NELL2: variants seen among roughly 807,000 people sequenced by gnomAD.
NELL2 encodes the protein protein kinase C-binding protein NELL2.
Under a neutral mutation model 109.6 loss-of-function variants are expected in NELL2, and 41 were observed. That is an observed-to-expected ratio of 0.37 (90% CI 0.29 to 0.49). The LOEUF is 0.49. Among genes scored for constraint, NELL2 ranks in the 20% least tolerant of loss-of-function variants. NELL2 has a pLI of 0.98. For missense variants in NELL2, 900 were observed against 1,008.3 expected (o/e 0.89, Z 1.45); for synonymous variants, 355 against 344.7 (o/e 1.03, Z -0.33).
intron 15 of NELL2, among the ~76,000 whole-genome samples, chr12:44,580,500 T>C (rs190238023): frequency 6.6e-6 from 1 of 152,242 alleles, no homozygotes; most frequent in Non-Finnish European, 1.5e-5. Flanking sequence ...GCAGATTGCC[T>C]GAGCTCGGGA....
chr12:44,542,044 C>G (rs1253195879), intron 15 of NELL2, among the ~76,000 whole-genome samples: 1 of 152,122 alleles, frequency 6.6e-6, no homozygotes, highest in Non-Finnish European at 1.5e-5. Context: ...TGTCAAATTT[C>G]ACAACAACAA....
chr12:44,689,096 A>G (rs1002361488), intron 12 of NELL2, among the ~76,000 whole-genome samples: 5 of 152,128 alleles, frequency 3.3e-5, no homozygotes, highest in Admixed American at 6.5e-5. Flanking sequence ...AGTCTCCCCA[A>G]TTACTTCTGA....
At chr12:44,644,043 C>T (rs1946959903) in intron 13 of NELL2, among the ~76,000 whole-genome samples, 1 of 152,066 alleles carries the variant, frequency 6.6e-6, no homozygotes. Flanking sequence ...AACATTTGGG[C>T]TGTAAGTGTC....
At chr12:44,718,455 T>A (rs1423346585) in intron 9 of NELL2, among the ~76,000 whole-genome samples, 1 of 152,214 alleles carries the variant, frequency 6.6e-6, no homozygotes, top group Non-Finnish European at 1.5e-5. Context: ...ACCATGTTAA[T>A]TGCATGCACA....
At chr12:44,761,397 A>T (rs1268668090) in intron 9 of NELL2, among the ~76,000 whole-genome samples, 2 of 152,178 alleles carry the variant, frequency 1.3e-5, no homozygotes, top group Non-Finnish European at 2.9e-5. Flanking sequence ...AAACAAAATT[A>T]AAAAACAAGA....
chr12:44,699,052 A>G (rs762558952), intron 12 of NELL2, among the ~76,000 whole-genome samples: 37 of 152,194 alleles, frequency 2.4e-4, no homozygotes, highest in Non-Finnish European at 5.1e-4. Flanking sequence ...TATAGTCAAA[A>G]CATCAAAAGA....
chr12:44,570,760 ACTTAAATCG>A (rs1271611255), intron 15 of NELL2, among the ~76,000 whole-genome samples: 2 of 152,170 alleles, frequency 1.3e-5, no homozygotes, highest in Non-Finnish European at 2.9e-5. Context: ...TGTCCTTGAA[ACTTAAATCG>A]CTTTATTTGC....
intron 15 of NELL2, among the ~76,000 whole-genome samples, chr12:44,603,244 T>G (rs1246217678): frequency 6.6e-6 from 1 of 152,202 alleles, no homozygotes; most frequent in East Asian, 1.9e-4. Flanking sequence ...GTCTGATCTC[T>G]TCTTTGATAC....
intron 12 of NELL2, among the ~76,000 whole-genome samples, chr12:44,696,332 G>C (rs950332738): frequency 6.6e-6 from 1 of 152,140 alleles, no homozygotes; most frequent in Non-Finnish European, 1.5e-5. Context: ...CCCATCTTCA[G>C]AGTCAACTGG....
intron 3 of NELL2, among the ~76,000 whole-genome samples, chr12:44,815,546 T>C (rs1329778094): frequency 2.0e-5 from 3 of 152,238 alleles, no homozygotes; most frequent in African/African-American, 7.2e-5. Context: ...TCCTTCTGCT[T>C]TTAGGCAATT....
At chr12:44,581,765 C>T (rs901289404) in intron 15 of NELL2, among the ~76,000 whole-genome samples, 1 of 152,064 alleles carries the variant, frequency 6.6e-6, no homozygotes, top group Non-Finnish European at 1.5e-5. Context: ...AAAGCTATTA[C>T]TGAACTATGA....
At position 44,594,547 on chromosome 12, in the gene NELL2, A is replaced by G. The variant is rs149204167; in HGVS notation, c.1663+12622T>C. Among the ~76,000 whole-genome samples, 731 of 152,262 alleles carry G rather than the reference A, an allele frequency of 4.8e-3. 6 individuals are homozygous for G. The highest frequency in any genetic ancestry group is 0.015 in the African/African-American group (622 of 41,556). ...ATGGAGATAGTGATTAAGAAGTTAT[A>G]TCGGATTTCCAAGAGAGTCATTCCA... On this transcript the variant is annotated intron_variant, in intron 15 of 19. Coordinates refer to ENST00000429094, the MANE Select transcript of NELL2 (RefSeq NM_001145108.2).
intron 2 of NELL2, among the ~76,000 whole-genome samples, chr12:44,859,580 T>C (rs537858449): frequency 2.0e-5 from 3 of 152,248 alleles, no homozygotes; most frequent in East Asian, 3.9e-4. Flanking sequence ...TATCACACCA[T>C]AAAGCCTTGT....
chr12:44,766,600 A>T (rs1370641251), intron 9 of NELL2, among the ~76,000 whole-genome samples: 1 of 152,208 alleles, frequency 6.6e-6, no homozygotes, highest in Non-Finnish European at 1.5e-5. Context: ...TTTTCTGCCT[A>T]GGTTGAGTGT....
chr12:44,742,235 C>T (rs553569308), intron 9 of NELL2, among the ~76,000 whole-genome samples: 87 of 152,330 alleles, frequency 5.7e-4, no homozygotes, highest in African/African-American at 1.9e-3. Flanking sequence ...TCCAACAGAC[C>T]TGCAGCTGAG....
intron 2 of NELL2, among the ~76,000 whole-genome samples, chr12:44,855,691 G>A (rs1334327983): frequency 6.6e-6 from 1 of 152,146 alleles, no homozygotes; most frequent in African/African-American, 2.4e-5. Flanking sequence ...ATATGAATAT[G>A]AGTGTCTCTG....
intron 2 of NELL2, among the ~76,000 whole-genome samples, chr12:44,820,920 A>ACCTAAAGT (rs57252240): frequency 0.17 from 25,401 of 151,866 alleles, 2,491 homozygotes; most frequent in East Asian, 0.41. Flanking sequence ...AGACTGTGTT[A>ACCTAAAGT]CCTAAAGTCA....
intron 9 of NELL2, among the ~76,000 whole-genome samples, chr12:44,740,526 AC>A (rs1237136509): frequency 2.6e-5 from 4 of 152,160 alleles, no homozygotes; most frequent in African/African-American, 4.8e-5. Context: ...TCCTAACCAC[AC>A]ATACCTAAAT....
At chr12:44,882,254 A>G (rs1002572827) in intron 1 of NELL2, among the ~76,000 whole-genome samples, 1 of 151,738 alleles carries the variant, frequency 6.6e-6, no homozygotes, top group Non-Finnish European at 1.5e-5. Flanking sequence ...AATATGTTTG[A>G]TGGTTATATT....
Sources: gnomAD v4.1 joint callset for allele counts (sites outside exome capture counted in the v4.1 genomes callset) on GRCh38, gnomAD v4.1.1 for gene constraint, MANE v1.5 for transcripts, NCBI Gene and HGNC (gene_info 2026-07-23, HGNC 2026-07-21) for gene names.